TRPS1: variants seen among roughly 807,000 people sequenced by gnomAD.
The protein encoded by TRPS1 is transcriptional repressor GATA binding 1.
A neutral mutation model predicts 101.2 loss-of-function variants in TRPS1; 6 were observed. That is an observed-to-expected ratio of 0.06 (90% CI 0.03 to 0.12). The LOEUF is 0.12. TRPS1 is among the 10% of genes least tolerant of loss of function. TRPS1 has a pLI of 1.00. For missense variants in TRPS1, 1,363 were observed against 1,567.0 expected, an observed-to-expected ratio of 0.87 and a Z score of 2.20; for synonymous variants, 578 against 589.8, an observed-to-expected ratio of 0.98 and a Z score of 0.29.
At chr8:115,577,839 A>C (rs1817355659) in intron 5 of TRPS1, among the ~76,000 whole-genome samples, 1 of 152,158 alleles carries the variant, frequency 6.6e-6, no homozygotes, top group African/African-American at 2.4e-5. Flanking sequence ...TACTCCCTCA[A>C]AGCCCATGCC....
intron 5 of TRPS1, among the ~76,000 whole-genome samples, chr8:115,468,597 A>G (rs76434463): frequency 0.046 from 6,955 of 151,918 alleles, 501 homozygotes; most frequent in African/African-American, 0.16. Flanking sequence ...GCCAAATGTA[A>G]ACGACTTTGA....
chr8:115,632,359 G>T (rs1818665732), intron 1 of TRPS1, among the ~76,000 whole-genome samples: 1 of 151,974 alleles, frequency 6.6e-6, no homozygotes, highest in African/African-American at 2.4e-5. Flanking sequence ...TCTTTTAAGA[G>T]AATAGCCTGG....
At chr8:115,556,392 C>T (rs1230692008) in intron 5 of TRPS1, among the ~76,000 whole-genome samples, 3 of 152,104 alleles carry the variant, frequency 2.0e-5, no homozygotes, top group Non-Finnish European at 4.4e-5. Flanking sequence ...AACACACCTG[C>T]AATGCCTGCA....
chr8:115,451,657 T>C (rs923503784), intron 5 of TRPS1, among the ~76,000 whole-genome samples: 2 of 152,208 alleles, frequency 1.3e-5, no homozygotes, highest in Non-Finnish European at 2.9e-5. Context: ...AACATGTCTT[T>C]ATGCTGGTGC....
intron 5 of TRPS1, among the ~76,000 whole-genome samples, chr8:115,426,217 G>A (rs575317205): frequency 1.3e-5 from 2 of 152,218 alleles, no homozygotes; most frequent in South Asian, 2.1e-4. Flanking sequence ...CCTTTTGGAG[G>A]CACAGTTAAA....
intron 5 of TRPS1, among the ~76,000 whole-genome samples, chr8:115,482,090 A>T (rs1228190340): frequency 6.6e-6 from 1 of 152,182 alleles, no homozygotes; most frequent in Admixed American, 6.6e-5. Flanking sequence ...TTGAGTATAA[A>T]CTGGGGACTC....
chr8:115,572,067 C>A (rs1032914362), intron 5 of TRPS1, among the ~76,000 whole-genome samples: 3 of 152,034 alleles, frequency 2.0e-5, no homozygotes, highest in African/African-American at 7.2e-5. Context: ...ACCTTCTGTT[C>A]TAAAACGTAC....
rs180933580 is a variant in TRPS1, at chr8:115,488,674, A to C, written c.2701-70222T>G. 4.1e-4 allele frequency among the ~76,000 whole-genome samples: 62 copies of C among 152,306 alleles called. 1 individual carries two copies. The highest frequency in any genetic ancestry group is 3.4e-3 in the Middle Eastern group (1 of 294). ...TCGCAACAGAGTGAGATTCCGTCAAAAACAAAAACCAAAAAACAAAAAAAA... is the reference window on the plus strand; with the variant it reads ...TCGCAACAGAGTGAGATTCCGTCAACAACAAAAACCAAAAAACAAAAAAAA... On this transcript the variant is annotated intron_variant, in intron 5 of 6. Coordinates refer to ENST00000395715, the MANE Select transcript of TRPS1 (RefSeq NM_014112.5).
At chr8:115,491,742 G>C (rs1815027932) in intron 5 of TRPS1, among the ~76,000 whole-genome samples, 1 of 152,136 alleles carries the variant, frequency 6.6e-6, no homozygotes, top group Non-Finnish European at 1.5e-5. Flanking sequence ...TGATACTGCT[G>C]CCCACCCTCA....
chr8:115,590,246 T>C (rs780427749), intron 4 of TRPS1, among the ~76,000 whole-genome samples: 8 of 152,154 alleles, frequency 5.3e-5, no homozygotes, highest in Non-Finnish European at 1.2e-4. Context: ...TCATGGAAAT[T>C]AAAACAGCAA....
chr8:115,453,497 A>G (rs1252596374), intron 5 of TRPS1, among the ~76,000 whole-genome samples: 3 of 152,208 alleles, frequency 2.0e-5, no homozygotes, highest in African/African-American at 7.2e-5. Flanking sequence ...GTGTGTTTGC[A>G]TATGTATGTG....
At chr8:115,500,655 C>T (rs369809749) in intron 5 of TRPS1, among the ~76,000 whole-genome samples, 1 of 151,994 alleles carries the variant, frequency 6.6e-6, no homozygotes, top group South Asian at 2.1e-4. Flanking sequence ...CTGCAAGCTC[C>T]GCCTCCCGGG....
At chr8:115,622,353 C>T (rs1188261110) in intron 2 of TRPS1, among the ~76,000 whole-genome samples, 1 of 151,736 alleles carries the variant, frequency 6.6e-6, no homozygotes, top group Non-Finnish European at 1.5e-5. Context: ...GGCAATTTTA[C>T]TAGTAGTCAA....
chr8:115,653,026 T>TA (rs1160639599), intron 1 of TRPS1, among the ~76,000 whole-genome samples: 1 of 152,102 alleles, frequency 6.6e-6, no homozygotes, highest in Non-Finnish European at 1.5e-5. Context: ...TCACCTGTTA[T>TA]AAAAACCAAC....
intron 5 of TRPS1, among the ~76,000 whole-genome samples, chr8:115,580,440 T>C (rs1448765853): frequency 1.3e-5 from 2 of 152,034 alleles, no homozygotes; most frequent in African/African-American, 2.4e-5. Flanking sequence ...TACCTCATTT[T>C]TGAATCATTC....
chr8:115,435,947 C>T (rs1813438919), intron 5 of TRPS1, among the ~76,000 whole-genome samples: 1 of 149,702 alleles, frequency 6.7e-6, no homozygotes, highest in Non-Finnish European at 1.5e-5. Flanking sequence ...TGTCTCGATA[C>T]TAGGATTTTT....
rs573376191 is a variant in TRPS1, at chr8:115,409,669, T to C, written c.*4354A>G. 1 of 152,238 alleles carries C rather than the reference T, an allele frequency of 6.6e-6. No homozygotes were observed. Among genetic ancestry groups the C allele is most frequent in the African/African-American group, 2.4e-5 (1 of 41,570 alleles). The allele number at this position is 152,238 out of a possible 1,614,324, so 9.4% of individuals were successfully genotyped here. ...AAGGAAGTGCTCTGCAAAGAATCCA[T>C]GCCTCTGCCCTTGGCCGTCTTTCTT... On this transcript the variant is annotated 3_prime_UTR_variant, in exon 7 of 7. Transcript: ENST00000395715.
intron 1 of TRPS1, among the ~76,000 whole-genome samples, chr8:115,627,673 T>C (rs1215382495): frequency 6.6e-6 from 1 of 151,830 alleles, no homozygotes; most frequent in Admixed American, 6.6e-5. Flanking sequence ...AAACTATCAT[T>C]GAATAGTAAA....
chr8:115,507,202 C>A (rs750365987), intron 5 of TRPS1, among the ~76,000 whole-genome samples: 6 of 152,080 alleles, frequency 3.9e-5, no homozygotes, highest in Non-Finnish European at 7.4e-5. Flanking sequence ...GTAAAGTGAA[C>A]AGGCTGCAAG....
Sources: gnomAD v4.1 joint callset for allele counts (sites outside exome capture counted in the v4.1 genomes callset) on GRCh38, gnomAD v4.1.1 for gene constraint, MANE v1.5 for transcripts, NCBI Gene and HGNC (gene_info 2026-07-23, HGNC 2026-07-21) for gene names.